The following PTPRD variants were observed in gnomAD, a reference collection of about 807,000 sequenced individuals.
PTPRD encodes the protein receptor-type tyrosine-protein phosphatase delta.
In PTPRD, 34 loss-of-function variants were observed where a neutral mutation model predicts 214.5. The observed-to-expected ratio is 0.16, with a 90% CI of 0.12 to 0.21. The LOEUF (loss-of-function observed/expected upper bound fraction) is 0.21, where lower values mean the gene tolerates loss of function less well. Ranked by LOEUF, PTPRD falls within the 10% of genes least tolerant of loss-of-function variation. The pLI is 1.00. For missense variants in PTPRD, 2,545 were observed against 2,398.7 expected (o/e 1.06, Z -1.27); for synonymous variants, 1,128 against 845.7 (o/e 1.33, Z -5.79).
At chr9:8,794,111 C>A (rs1482696451) in intron 11 of PTPRD, among the ~76,000 whole-genome samples, 2 of 151,786 alleles carry the variant, frequency 1.3e-5, no homozygotes, top group Non-Finnish European at 2.9e-5. Flanking sequence ...TCACCAAGGA[C>A]AGCAGCAATG....
intron 3 of PTPRD, among the ~76,000 whole-genome samples, chr9:10,224,917 T>C (rs1258810463): frequency 1.3e-5 from 2 of 152,100 alleles, no homozygotes; most frequent in Admixed American, 6.6e-5. Context: ...AAGAATACAG[T>C]ACATAATACA....
chr9:8,529,056 T>C (rs1359561919), intron 14 of PTPRD, among the ~76,000 whole-genome samples: 1 of 151,806 alleles, frequency 6.6e-6, no homozygotes, highest in Non-Finnish European at 1.5e-5. Context: ...GAGAAATAAT[T>C]ATAGGGTTTG....
intron 7 of PTPRD, among the ~76,000 whole-genome samples, chr9:9,614,848 C>T (rs936438968): frequency 3.9e-5 from 6 of 152,158 alleles, no homozygotes; most frequent in Non-Finnish European, 8.8e-5. Flanking sequence ...TCTCTGCATT[C>T]GTTAGGCATA....
chr9:8,521,974 T>G (rs902977748), intron 19 of PTPRD, among the ~76,000 whole-genome samples: 7 of 152,194 alleles, frequency 4.6e-5, no homozygotes, highest in Admixed American at 4.6e-4. Context: ...CCAACTTCAG[T>G]GCTGTGCACT....
intron 10 of PTPRD, among the ~76,000 whole-genome samples, chr9:9,094,599 C>A (rs1416714001): frequency 6.6e-6 from 1 of 151,902 alleles, no homozygotes; most frequent in Non-Finnish European, 1.5e-5. Context: ...ACAAGTGCAC[C>A]AAAATCTCAG....
chr9:8,437,857 T>C (rs2132614517), intron 34 of PTPRD, among the ~76,000 whole-genome samples: 1 of 152,348 alleles, frequency 6.6e-6, no homozygotes, highest in Non-Finnish European at 1.5e-5. Flanking sequence ...AATAATCCAC[T>C]ATTAATTTTG....
At chr9:9,649,103 C>T (rs2096268861) in intron 7 of PTPRD, among the ~76,000 whole-genome samples, 1 of 152,070 alleles carries the variant, frequency 6.6e-6, no homozygotes, top group Non-Finnish European at 1.5e-5. Flanking sequence ...AACCAAGACG[C>T]AGTGTTATTC....
At chr9:10,195,704 T>G (rs910623648) in intron 3 of PTPRD, among the ~76,000 whole-genome samples, 3 of 151,828 alleles carry the variant, frequency 2.0e-5, no homozygotes, top group African/African-American at 7.3e-5. Context: ...TGGTACCAAA[T>G]AAGATAAAAA....
At chr9:8,685,585 T>A (rs189234095) in intron 12 of PTPRD, among the ~76,000 whole-genome samples, 1 of 152,302 alleles carries the variant, frequency 6.6e-6, no homozygotes, top group Admixed American at 6.5e-5. Context: ...GTCCATCAAC[T>A]GGTTGGGCTG....
chr9:9,272,694 T>A (rs544411333), intron 9 of PTPRD, among the ~76,000 whole-genome samples: 1 of 151,484 alleles, frequency 6.6e-6, no homozygotes, highest in Non-Finnish European at 1.5e-5. Context: ...CCTACTCTTA[T>A]TACTCCTTGT....
intron 3 of PTPRD, among the ~76,000 whole-genome samples, chr9:10,277,422 C>G (rs144187870): frequency 1.2e-4 from 19 of 152,148 alleles, no homozygotes; most frequent in African/African-American, 2.4e-5. Flanking sequence ...CCCTGACTCT[C>G]GGCACCACTA....
At chr9:8,692,620 C>T (rs2097831958) in intron 12 of PTPRD, among the ~76,000 whole-genome samples, 1 of 152,108 alleles carries the variant, frequency 6.6e-6, no homozygotes, top group Non-Finnish European at 1.5e-5. Context: ...TGAAATTAGC[C>T]CTATCTGTCT....
chr9:8,730,219 G>A (rs1027622449), intron 12 of PTPRD, among the ~76,000 whole-genome samples: 8 of 152,080 alleles, frequency 5.3e-5, no homozygotes, highest in African/African-American at 1.9e-4. Context: ...TCGCGCCACT[G>A]CACTCCAGCC....
At position 8,981,246 on chromosome 9, in the gene PTPRD, G is replaced by C. The variant is rs149677243; in HGVS notation, c.-104+37451C>G. Among the ~76,000 whole-genome samples the C allele has an allele frequency of 3.3e-5, 5 of 152,038 alleles. No homozygotes were observed. In the East Asian group the frequency reaches 7.8e-4, roughly 24 times the overall value. On this transcript the variant is annotated intron_variant, in intron 11 of 45. Transcript: ENST00000381196. ...ATAGAGATTAAAAAAAAAGAAGCTA[G>C]TACTACTTATTTCACTGCTTTTATT...
At chr9:8,373,891 TATCTATCTATC>T (rs2082374896) in intron 39 of PTPRD, among the ~76,000 whole-genome samples, 1 of 128,468 alleles carries the variant, frequency 7.8e-6, no homozygotes, top group Non-Finnish European at 1.5e-5. Context: ...TCTATCTATC[TATCTATCTATC>T]TATCTATCTA....
chr9:10,377,572 G>A (rs918702845), intron 2 of PTPRD, among the ~76,000 whole-genome samples: 3 of 151,892 alleles, frequency 2.0e-5, no homozygotes, highest in African/African-American at 7.3e-5. Context: ...ATAGTTTGCT[G>A]AGAATGGTGG....
At position 9,148,024 on chromosome 9, in the gene PTPRD, A is replaced by G. The variant is rs1415992967; in HGVS notation, c.-143+35280T>C. On this transcript the variant is annotated intron_variant, in intron 10 of 45. Coordinates refer to ENST00000381196, the MANE Select transcript of PTPRD (RefSeq NM_002839.4). ...GCTTGTTTTAGGAATGCAATAAGCA[A>G]AAATGATTTGAAAATATAGGTTAAT... 2.0e-5 allele frequency among the ~76,000 whole-genome samples: 3 copies of G among 152,222 alleles called. No homozygotes were observed. In the East Asian group the frequency reaches 5.8e-4, roughly 29 times the overall value.
chr9:9,913,671 G>A lies in PTPRD; in HGVS notation c.-368+24836C>T, dbSNP rs1052256192. 3.3e-5 allele frequency among the ~76,000 whole-genome samples: 5 copies of A among 152,104 alleles called. No homozygotes were observed. The East Asian group carries it at 9.7e-4, about 29-fold the overall frequency. ...TCCTATTGCCAGGAAAAGGTAAGCA[G>A]AAGAACCCCACAAGCCCCATTGCCT... On this transcript the variant is annotated intron_variant, in intron 5 of 45. Transcript: ENST00000381196.
chr9:10,053,693 AATTT>A (rs1190797323), intron 3 of PTPRD, among the ~76,000 whole-genome samples: 3 of 152,170 alleles, frequency 2.0e-5, no homozygotes, highest in African/African-American at 7.2e-5. Context: ...TTACCATTCT[AATTT>A]ATGAAGATAC....
Sources: allele counts gnomAD v4.1 joint callset (sites outside exome capture counted in the v4.1 genomes callset), GRCh38; gene constraint gnomAD v4.1.1; transcripts MANE v1.5; gene names NCBI Gene and HGNC (gene_info 2026-07-23, HGNC 2026-07-21).